The following CTNNA3 variants were observed in gnomAD, a reference collection of about 807,000 sequenced individuals.
The protein encoded by CTNNA3 is catenin alpha-3.
Under a neutral mutation model 95.7 loss-of-function variants are expected in CTNNA3, and 76 were observed. The observed-to-expected ratio is 0.79, with a 90% CI of 0.66 to 0.96. The LOEUF is 0.96. Ranked by LOEUF, CTNNA3 falls within the 40% of genes least tolerant of loss-of-function variation. The pLI is 0.00. For missense variants in CTNNA3, 1,191 were observed against 1,089.8 expected (o/e 1.09, Z -1.31); for synonymous variants, 431 against 374.4 (o/e 1.15, Z -1.74).
chr10:65,944,199 C>T (rs2077475266), intron 17 of CTNNA3, among the ~76,000 whole-genome samples: 1 of 152,206 alleles, frequency 6.6e-6, no homozygotes, highest in Non-Finnish European at 1.5e-5. Flanking sequence ...CCAAAACAAA[C>T]CACAAATAGT....
In CTNNA3 at chr10:67,219,848, C is replaced by A; in HGVS notation, c.602G>T (p.Arg201Ile). The change falls in exon 6 of 18, where the codon AGA becomes ATA. Residue 201 changes from arginine to isoleucine, a missense_variant. Coordinates refer to ENST00000433211, the MANE Select transcript of CTNNA3 (RefSeq NM_013266.4). ...RQQDLKSPNQ[R>I]DEIAGARASL... is the part of the protein sequence containing the mutation. ...AGCTCGGGCTCCTGCAATTTCATCT[C>A]TCTGATTTGGAGATTTTAAGTCCTG... 5 of 1,612,010 alleles carry A rather than the reference C, an allele frequency of 3.1e-6. No individual in the cohort carries two copies. The highest frequency in any genetic ancestry group is 4.2e-6 in the Non-Finnish European group (5 of 1,178,626).
intron 5 of CTNNA3, among the ~76,000 whole-genome samples, chr10:67,312,363 A>T (rs1462167358): frequency 6.6e-6 from 1 of 152,132 alleles, no homozygotes; most frequent in Admixed American, 6.6e-5. Flanking sequence ...GAGCCACTGC[A>T]CCTGGCCTTA....
chr10:66,712,506 T>C (rs1848326639), intron 9 of CTNNA3, among the ~76,000 whole-genome samples: 1 of 152,192 alleles, frequency 6.6e-6, no homozygotes, highest in Non-Finnish European at 1.5e-5. Context: ...TGAAACTGAT[T>C]AGCAGTTTTT....
intron 17 of CTNNA3, among the ~76,000 whole-genome samples, chr10:65,966,219 CAATT>C (rs1195371222): frequency 5.3e-5 from 8 of 152,108 alleles, no homozygotes; most frequent in Non-Finnish European, 8.8e-5. Context: ...AAATGAATAT[CAATT>C]AATAGCAGCG....
intron 7 of CTNNA3, among the ~76,000 whole-genome samples, chr10:66,836,845 C>A (rs1225337250): frequency 6.6e-6 from 1 of 152,096 alleles, no homozygotes; most frequent in Non-Finnish European, 1.5e-5. Flanking sequence ...TCTGTAAAAA[C>A]TTCTGTGTTG....
intron 7 of CTNNA3, among the ~76,000 whole-genome samples, chr10:66,938,096 A>T (rs1269493559): frequency 1.3e-5 from 2 of 152,228 alleles, no homozygotes; most frequent in Non-Finnish European, 2.9e-5. Context: ...CAAACAATCT[A>T]CAGTAAACAT....
At chr10:66,929,267 T>A (rs896104057) in intron 7 of CTNNA3, among the ~76,000 whole-genome samples, 5 of 152,216 alleles carry the variant, frequency 3.3e-5, no homozygotes, top group Non-Finnish European at 5.9e-5. Context: ...AGAAGCCAGA[T>A]TTCTCCACCA....
intron 7 of CTNNA3, among the ~76,000 whole-genome samples, chr10:67,066,654 T>C (rs555183405): frequency 2.6e-5 from 4 of 151,802 alleles, no homozygotes; most frequent in African/African-American, 9.7e-5. Context: ...TAAAAAATCC[T>C]AATGTGACTT....
chr10:66,043,567 T>C (rs1903864), intron 15 of CTNNA3, among the ~76,000 whole-genome samples: 38,156 of 152,100 alleles, frequency 0.25, 4,903 homozygotes, highest in South Asian at 0.32. Context: ...CAGTCCCCAC[T>C]GACCTCTTAC....
chr10:66,245,532 A>C (rs1196520886), intron 13 of CTNNA3, among the ~76,000 whole-genome samples: 1 of 152,208 alleles, frequency 6.6e-6, no homozygotes, highest in African/African-American at 2.4e-5. Flanking sequence ...GGTAAGCAAG[A>C]TGAAGGGGAA....
chr10:66,139,255 A>G (rs1385784010), intron 13 of CTNNA3, among the ~76,000 whole-genome samples: 1 of 152,128 alleles, frequency 6.6e-6, no homozygotes, highest in African/African-American at 2.4e-5. Flanking sequence ...CCATTTATTC[A>G]CACTGTATTT....
At chr10:67,320,786 C>G (rs934863732) in intron 5 of CTNNA3, among the ~76,000 whole-genome samples, 1 of 152,096 alleles carries the variant, frequency 6.6e-6, no homozygotes, top group Admixed American at 6.6e-5. Context: ...TATAGTAAGT[C>G]TGGGCATATT....
At chr10:67,542,991 TA>T (rs1286275501) in intron 3 of CTNNA3, among the ~76,000 whole-genome samples, 1 of 152,192 alleles carries the variant, frequency 6.6e-6, no homozygotes, top group African/African-American at 2.4e-5. Context: ...ATAATGCTTT[TA>T]CTTTGAAGTT....
intron 11 of CTNNA3, among the ~76,000 whole-genome samples, chr10:66,477,728 T>G (rs148391238): frequency 1.3e-5 from 2 of 152,144 alleles, no homozygotes; most frequent in East Asian, 3.9e-4. Flanking sequence ...AACTATAACT[T>G]CACACATCAG....
intron 13 of CTNNA3, among the ~76,000 whole-genome samples, chr10:66,133,118 C>T (rs1589504403): frequency 6.6e-6 from 1 of 152,156 alleles, no homozygotes; most frequent in East Asian, 1.9e-4. Flanking sequence ...ACCCCATGAT[C>T]TACAAATAAA....
chr10:66,442,928 G>A (rs1314633386), intron 11 of CTNNA3, among the ~76,000 whole-genome samples: 8 of 152,186 alleles, frequency 5.3e-5, no homozygotes, highest in Admixed American at 1.3e-4. Flanking sequence ...GGTGACAGAC[G>A]TCACGTGGAA....
intron 2 of CTNNA3, among the ~76,000 whole-genome samples, chr10:67,622,600 C>T (rs1455727483): frequency 6.6e-6 from 1 of 152,148 alleles, no homozygotes; most frequent in East Asian, 1.9e-4. Context: ...TGGGGGCCTC[C>T]TTGTATCCTT....
At chr10:66,279,670 T>G (rs565528312) in intron 13 of CTNNA3, among the ~76,000 whole-genome samples, 2 of 152,130 alleles carry the variant, frequency 1.3e-5, no homozygotes, top group East Asian at 3.9e-4. Flanking sequence ...AATTACACCT[T>G]CTTGGTTTTC....
intron 5 of CTNNA3, among the ~76,000 whole-genome samples, chr10:67,228,679 A>C (rs780673858): frequency 7.2e-5 from 11 of 152,294 alleles, no homozygotes; most frequent in Admixed American, 2.0e-4. Context: ...AAGATCATTC[A>C]AGGCTACTGT....
Sources: allele counts gnomAD v4.1 joint callset (sites outside exome capture counted in the v4.1 genomes callset), GRCh38; gene constraint gnomAD v4.1.1; transcripts MANE v1.5; gene names NCBI Gene and HGNC (gene_info 2026-07-23, HGNC 2026-07-21).